Variants in MGAT5B observed in about 807,000 individuals in gnomAD.
MGAT5B encodes N-acetylglucosaminyl-transferase Vb.
A neutral mutation model predicts 95.1 loss-of-function variants in MGAT5B; 54 were observed. The observed-to-expected ratio is 0.57, with a 90% CI of 0.46 to 0.71. The LOEUF is 0.71. Among genes scored for constraint, MGAT5B ranks in the 30% least tolerant of loss-of-function variants. MGAT5B has a pLI of 0.00. For missense variants in MGAT5B, 935 were observed against 1,088.6 expected (o/e 0.86, Z 1.99); for synonymous variants, 464 against 451.0 (o/e 1.03, Z -0.36).
chr17:76,890,651 A>AT (rs1967829840), intron 3 of MGAT5B, among the ~76,000 whole-genome samples: 1 of 151,934 alleles, frequency 6.6e-6, no homozygotes, highest in African/African-American at 2.4e-5. Flanking sequence ...CTGCAGGTGC[A>AT]TGCCACCATC....
chr17:76,890,226 G>A (rs1017366265), intron 3 of MGAT5B, among the ~76,000 whole-genome samples: 5 of 152,208 alleles, frequency 3.3e-5, no homozygotes, highest in Non-Finnish European at 5.9e-5. Context: ...TTGAAACCTC[G>A]GGTGGAGCAA....
chr17:76,902,645 CCA>C lies in MGAT5B; in HGVS notation c.423_424del (p.His141GlnfsTer17). 1 of 1,596,046 alleles carries C rather than the reference CCA, an allele frequency of 6.3e-7. No homozygotes were observed. The highest frequency in any genetic ancestry group is 2.3e-5 in the East Asian group (1 of 43,926). The part of the protein sequence containing the change: ...IAVKVDQILR[H>X]SLLLHSKVSE... ...CTGTGAAGGTGGACCAGATCCTGCG[CCA>C]CAGTCTGCTCCTGCACAGCAAGGGT... On this transcript the variant is annotated frameshift_variant, in exon 4 of 18. Transcript: ENST00000569840. LOFTEE classifies it high-confidence loss of function.
intron 1 of MGAT5B, among the ~76,000 whole-genome samples, chr17:76,871,373 C>G (rs1447840719): frequency 1.3e-5 from 2 of 152,208 alleles, no homozygotes; most frequent in African/African-American, 4.8e-5. Context: ...CTTGCGCGGT[C>G]TTGCCTACTG....
chr17:76,907,945 G>A (rs1968590974), intron 8 of MGAT5B, among the ~76,000 whole-genome samples: 2 of 152,180 alleles, frequency 1.3e-5, no homozygotes, highest in Admixed American at 6.5e-5. Flanking sequence ...AATGGGCTGA[G>A]CATCCTGTCC....
chr17:76,871,485 A>G (rs1967011620), intron 1 of MGAT5B, among the ~76,000 whole-genome samples: 1 of 152,102 alleles, frequency 6.6e-6, no homozygotes, highest in African/African-American at 2.4e-5. Context: ...TCTCTGCCCA[A>G]ATCTCTAACA....
chr17:76,922,711 T>A (rs1230160381), intron 8 of MGAT5B, among the ~76,000 whole-genome samples: 1 of 152,190 alleles, frequency 6.6e-6, no homozygotes, highest in African/African-American at 2.4e-5. Context: ...AAGCCCTGGA[T>A]CAGAGAATCC....
In MGAT5B at chr17:76,869,494, G is replaced by A. The variant is rs1028289938; in HGVS notation, c.68+397G>A. Among the ~76,000 whole-genome samples the A allele has an allele frequency of 1.3e-5, 2 of 152,038 alleles. No individual in the cohort carries two copies. The highest frequency in any genetic ancestry group is 4.8e-5 in the African/African-American group (2 of 41,394). On this transcript the variant is annotated intron_variant, in intron 1 of 17. Coordinates refer to ENST00000569840, the MANE Select transcript of MGAT5B (RefSeq NM_001199172.2). This position sits in a 1 kb window ranked among gnomAD's most constrained non-coding sequence, Gnocchi z 7.0. ...GGCAAAGTTAGTGTGCGGCGCCTTG[G>A]AGCTCCCCCTCCGGTCCCTCCCGTC... is the stretch of plus-strand genomic sequence containing the variant.
rs142273217 is a variant in MGAT5B, at chr17:76,907,837, G to A, written c.1025+1650G>A. 4.3e-3 allele frequency among the ~76,000 whole-genome samples: 654 copies of A among 152,272 alleles called. 6 individuals are homozygous for A. The highest frequency in any genetic ancestry group is 0.015 in the African/African-American group (627 of 41,546). On this transcript the variant is annotated intron_variant, in intron 8 of 17. Transcript: ENST00000569840. Reference sequence around the variant, plus strand: ...GAGACTCACCAGTGCATGAGTTTCCGCTGGTTCACATTCTCACCTACACTT... The same window carrying A: ...GAGACTCACCAGTGCATGAGTTTCCACTGGTTCACATTCTCACCTACACTT...
chr17:76,882,185 C>T lies in MGAT5B; in HGVS notation c.216C>T (p.Arg72=), dbSNP rs751158485. ...GCCCCGAGTCCCGCGGCGTCCTGCG[C>T]AAGATGAGCGACCTGCTGGAGCTGA... ...MGGPESRGVL[R]KMSDLLELMV... Residue 72 remains arginine, a synonymous_variant, in exon 3 of 18, where the codon CGC becomes CGT. Transcript: ENST00000569840. The T allele has an allele frequency of 1.9e-6, 3 of 1,613,354 alleles. No individual in the cohort carries two copies. Among genetic ancestry groups the T allele is most frequent in the Admixed American group, 3.3e-5 (2 of 59,996 alleles).
intron 2 of MGAT5B, among the ~76,000 whole-genome samples, chr17:76,877,196 C>T (rs184619422): frequency 2.6e-5 from 4 of 151,996 alleles, no homozygotes; most frequent in Admixed American, 6.6e-5. Context: ...TGTGGTGGCA[C>T]GTGCTGTCAT....
Position 76,917,974 on chromosome 17 carries a change from C to T in MGAT5B, c.1026-6992C>T, listed in dbSNP as rs1223766550. The stretch of plus-strand genomic sequence containing the variant: ...GGGAACGACCGGAGGGCCGAGTTCC[C>T]GTTCCTCTTCCTGCAGCCGTGCTGG... On this transcript the variant is annotated intron_variant, in intron 8 of 17. Coordinates refer to ENST00000569840, the MANE Select transcript of MGAT5B (RefSeq NM_001199172.2). The surrounding 1 kb of genome is among the most constrained non-coding windows in gnomAD (Gnocchi z 6.1). 6.6e-6 allele frequency among the ~76,000 whole-genome samples: 1 copy of T among 152,154 alleles called. No individual in the cohort carries two copies. The highest frequency in any genetic ancestry group is 2.1e-4 in the South Asian group (1 of 4,822).
Position 76,905,079 on chromosome 17 carries a change from G to A in MGAT5B, c.691-90G>A. 7.2e-7 allele frequency: 1 copy of A among 1,386,292 alleles called. No homozygotes were observed. Among genetic ancestry groups the A allele is most frequent in the Non-Finnish European group, 9.7e-7 (1 of 1,030,172 alleles). 85.9% of individuals were successfully genotyped at this position (1,386,292 alleles called of 1,614,324 possible). The stretch of plus-strand genomic sequence containing the variant: ...AAGCTGGAGCAGGCCCCAGCCTCAT[G>A]GGAGGGTGCCAGCCCCTGTCCCCAG... On this transcript the variant is annotated intron_variant, in intron 6 of 17. Coordinates refer to ENST00000569840, the MANE Select transcript of MGAT5B (RefSeq NM_001199172.2). This position sits in a 1 kb window ranked among gnomAD's most constrained non-coding sequence, Gnocchi z 4.2.
Position 76,902,628 on chromosome 17 carries a change from G to C in MGAT5B, c.403G>C (p.Val135Leu), listed in dbSNP as rs1478282223. The part of the protein sequence containing the change: ...AQNVSDIAVK[V>L]DQILRHSLLL... ...GAACGTCTCCGACATCGCTGTGAAGGTGGACCAGATCCTGCGCCACAGTCT... is the reference window on the plus strand; with the variant it reads ...GAACGTCTCCGACATCGCTGTGAAGCTGGACCAGATCCTGCGCCACAGTCT... The change falls in exon 4 of 18, where the codon GTG becomes CTG. Residue 135 changes from valine (V) to leucine (L), a missense_variant. Transcript: ENST00000569840. 2 of 1,603,036 alleles carry C rather than the reference G, an allele frequency of 1.2e-6. No individual in the cohort carries two copies. The highest frequency in any genetic ancestry group is 3.3e-4 in the Middle Eastern group (2 of 6,044).
chr17:76,920,041 C>T (rs964403072), intron 8 of MGAT5B, among the ~76,000 whole-genome samples: 2 of 152,202 alleles, frequency 1.3e-5, no homozygotes, highest in Non-Finnish European at 2.9e-5. Flanking sequence ...CCCCTTTCCT[C>T]TTGGGATTTA....
At chr17:76,937,861 A>G in intron 12 of MGAT5B, 127 bp from the exon 13 acceptor site, 1 of 1,119,156 alleles carries the variant, frequency 8.9e-7, no homozygotes, top group Non-Finnish European at 1.3e-6. Flanking sequence ...AGTGTCCCAC[A>G]GCCAGTTAAT....
At chr17:76,882,709 T>A (rs1286898199) in intron 3 of MGAT5B, among the ~76,000 whole-genome samples, 2 of 75,640 alleles carry the variant, frequency 2.6e-5, no homozygotes, top group East Asian at 4.7e-4. Context: ...CTGCCCCTTT[T>A]TTTTTTTTTT....
intron 3 of MGAT5B, among the ~76,000 whole-genome samples, chr17:76,887,494 C>T: frequency 1.0e-5 from 1 of 96,828 alleles, no homozygotes; most frequent in East Asian, 4.1e-4. Context: ...TCCCTCCCTC[C>T]CTTCCTCTCT....
At chr17:76,893,001 G>A (rs1967933057) in intron 3 of MGAT5B, among the ~76,000 whole-genome samples, 1 of 152,172 alleles carries the variant, frequency 6.6e-6, no homozygotes, top group Admixed American at 6.5e-5. Context: ...CCCGGGAGCA[G>A]GTCCAGGGCA....
chr17:76,933,389 C>T (rs1338464043), intron 12 of MGAT5B, 92 bp downstream of exon 12: 2 of 1,520,898 alleles, frequency 1.3e-6, no homozygotes, highest in Admixed American at 1.7e-5. Flanking sequence ...GTGATGTTCT[C>T]CTGACTCAGG....
Sources: allele counts gnomAD v4.1 joint callset (sites outside exome capture counted in the v4.1 genomes callset), GRCh38; gene constraint gnomAD v4.1.1; non-coding constraint Gnocchi (gnomAD v3.1); transcripts MANE v1.5; gene names NCBI Gene and HGNC (gene_info 2026-07-23, HGNC 2026-07-21).